LIMS2: variants seen among roughly 807,000 people sequenced by gnomAD.
LIMS2 encodes LIM zinc finger domain containing 2, also known as LIM and senescent cell antigen-like-containing domain protein 2.
LIMS2 carries 30 observed loss-of-function variants against 45.3 expected under a neutral mutation model. The observed-to-expected ratio is 0.66, with a 90% CI of 0.50 to 0.90. The LOEUF (loss-of-function observed/expected upper bound fraction) is 0.90, where lower values mean the gene tolerates loss of function less well. LIMS2 is among the 40% of genes least tolerant of loss of function. LIMS2 has a pLI of 0.00. For synonymous variants in LIMS2, 173 were observed against 188.0 expected (o/e 0.92, Z 0.65); for missense variants, 485 against 468.7 (o/e 1.03, Z -0.32).
intron 9 of LIMS2, 144 bp downstream of exon 9, chr2:127,639,926 C>T: frequency 1.2e-6 from 1 of 825,456 alleles, no homozygotes; most frequent in Non-Finnish European, 2.0e-6. Flanking sequence ...CCCCATCTCC[C>T]TGGGTGGTAT....
exon 1 of LIMS2, chr2:127,681,676 CAG>C (rs1470844894): frequency 2.0e-5 from 3 of 152,200 alleles, no homozygotes; most frequent in Non-Finnish European, 4.4e-5. Flanking sequence ...CCTCTGAATC[CAG>C]AGAGGCCGGC....
chr2:127,654,315 A>G, intron 4 of LIMS2, 109 bp downstream of exon 4: 2 of 1,470,736 alleles, frequency 1.4e-6, no homozygotes, highest in South Asian at 1.2e-5. Flanking sequence ...AGGCTGCAGC[A>G]CCGGGACCCT....
chr2:127,668,697 A>AAAAAAAAAAAAAAAAAAAAAC (rs1685142162), intron 1 of LIMS2, among the ~76,000 whole-genome samples: 1 of 85,762 alleles, frequency 1.2e-5, no homozygotes, highest in Non-Finnish European at 2.6e-5. Context: ...AAAAAAAAAA[A>AAAAAAAAAAAAAAAAAAAAAC]AAAAAAAAAA....
chr2:127,643,195 G>C, intron 4 of LIMS2, 123 bp from the exon 5 acceptor site: 1 of 1,104,800 alleles, frequency 9.1e-7, no homozygotes, highest in Non-Finnish European at 1.3e-6. Flanking sequence ...AAGGGGCTCA[G>C]CCCAGGGTAT....
intron 4 of LIMS2, chr2:127,648,191 G>C (rs1444196660): frequency 8.1e-6 from 8 of 985,304 alleles, no homozygotes; most frequent in Middle Eastern, 5.2e-4. Context: ...ATTGGACTAA[G>C]AACAGACCCT....
At chr2:127,673,193 C>T (rs1685348030) in intron 1 of LIMS2, among the ~76,000 whole-genome samples, 2 of 152,162 alleles carry the variant, frequency 1.3e-5, no homozygotes, top group African/African-American at 2.4e-5. Context: ...CTCACAGCTG[C>T]GTCAAACAAA....
At chr2:127,644,153 G>A (rs1455462798) in intron 4 of LIMS2, 1 of 455,150 alleles carries the variant, frequency 2.2e-6, no homozygotes, top group South Asian at 1.6e-5. Context: ...GCTGTGTGCA[G>A]GGCAAGGGGC....
rs1295365770 is a variant in LIMS2 at position 127,647,432 on chromosome 2, C to G, written c.360-4360G>C. Among the ~76,000 whole-genome samples the G allele has an allele frequency of 6.6e-6, 1 of 152,194 alleles. No homozygotes were observed. Among genetic ancestry groups the G allele is most frequent in the Non-Finnish European group, 1.5e-5 (1 of 68,034 alleles). On this transcript the variant is annotated intron_variant, in intron 4 of 9. Coordinates refer to ENST00000355119, the MANE Select transcript of LIMS2 (RefSeq NM_001161403.3). This position sits in a 1 kb window ranked among gnomAD's most constrained non-coding sequence, Gnocchi z 4.3. ...AGACACTCAGCCTTGACTCCCTAAC[C>G]TGCAACATGGGGCTAAAACTGGTTT...
chr2:127,641,638 G>A (rs990999682), intron 6 of LIMS2: 3 of 163,758 alleles, frequency 1.8e-5, no homozygotes, highest in Non-Finnish European at 4.0e-5. Context: ...ACCACCCGGT[G>A]GGGGCACTCC....
intron 1 of LIMS2, among the ~76,000 whole-genome samples, chr2:127,660,869 A>G (rs906146577): frequency 2.4e-5 from 3 of 125,442 alleles, no homozygotes; most frequent in African/African-American, 6.2e-5. Context: ...GAATGCATCC[A>G]GGGAGATCAT....
intron 1 of LIMS2, among the ~76,000 whole-genome samples, chr2:127,681,147 C>G (rs1039323386): frequency 1.3e-5 from 2 of 152,214 alleles, no homozygotes; most frequent in African/African-American, 4.8e-5. Flanking sequence ...TGGGCTGAAC[C>G]TTCACCGTCC....
rs1274309210 is a variant in LIMS2, at chr2:127,664,277, C to T, written c.12-6715G>A. The T allele has an allele frequency of 2.4e-6, 3 of 1,232,342 alleles. No homozygotes were observed. The highest frequency in any genetic ancestry group is 4.2e-5 in the Admixed American group (1 of 23,608). The allele number at this position is 1,232,342 out of a possible 1,614,324, so 76.3% of individuals were successfully genotyped here. ...GCCGCAGCTTTCCGGCCATTGTCCC[C>T]GCCACCCGCCCCGCCCCTGGCCACC... On this transcript the variant is annotated intron_variant, in intron 1 of 9. Transcript: ENST00000355119. This position sits in a 1 kb window ranked among gnomAD's most constrained non-coding sequence, Gnocchi z 5.5.
chr2:127,649,052 G>A (rs1401439853), intron 4 of LIMS2, among the ~76,000 whole-genome samples: 1 of 110,656 alleles, frequency 9.0e-6, no homozygotes, highest in African/African-American at 3.3e-5. Flanking sequence ...AAAGAGAAAA[G>A]AAGAAAGGAA....
At chr2:127,670,289 C>A (rs1034073946) in intron 1 of LIMS2, among the ~76,000 whole-genome samples, 3 of 152,076 alleles carry the variant, frequency 2.0e-5, no homozygotes, top group African/African-American at 7.2e-5. Context: ...ATTATTCACC[C>A]AGAAAAAGGA....
At position 127,657,415 on chromosome 2, in the gene LIMS2, C is replaced by G. The variant is rs756158958; in HGVS notation, c.159G>C (p.Gly53=). 5 of 1,613,832 alleles carry G rather than the reference C, an allele frequency of 3.1e-6. No homozygotes were observed. Among genetic ancestry groups the G allele is most frequent in the Admixed American group, 1.7e-5 (1 of 60,026 alleles). Residue 53 remains glycine, a synonymous_variant, in exon 2 of 10, where the codon GGG becomes GGC. Transcript: ENST00000355119. ...GTAGTGTCCTCACCTCATAGAAGAG[C>G]CCCTCGGGGAAGGGCCGGAAGCACT... The part of the protein sequence containing the change: ...CAQCFRPFPE[G]LFYEFEGRKY...
At chr2:127,680,572 G>C (rs565396043) in intron 1 of LIMS2, among the ~76,000 whole-genome samples, 1 of 152,238 alleles carries the variant, frequency 6.6e-6, no homozygotes, top group Non-Finnish European at 1.5e-5. Flanking sequence ...CCACACGGCA[G>C]CTCAGTGAGA....
Position 127,657,491 on chromosome 2 carries a change from A to G in LIMS2, c.83T>C (p.Ile28Thr). ...GTACAGCTCCCCATTGCTGTTGACA[A>G]TGCGCTCGGCGGGGGAGAAGCGGGC... ...CQARFSPAERIVNSNGELYHE... is the reference protein window; with the variant it reads ...CQARFSPAERTVNSNGELYHE... The change falls in exon 2 of 10, where the codon ATT becomes ACT. Residue 28 changes from isoleucine to threonine, a missense_variant. Ile to Thr is a moderately conservative substitution (Grantham distance 89). Coordinates refer to ENST00000355119, the MANE Select transcript of LIMS2 (RefSeq NM_001161403.3). The G allele has an allele frequency of 6.2e-7, 1 of 1,613,612 alleles. No individual in the cohort carries two copies. Among genetic ancestry groups the G allele is most frequent in the Non-Finnish European group, 8.5e-7 (1 of 1,179,946 alleles).
chr2:127,650,995 G>A (rs372634768), intron 4 of LIMS2: 62 of 1,613,734 alleles, frequency 3.8e-5, no homozygotes, highest in African/African-American at 8.0e-5. Context: ...CTGCCCACCC[G>A]CCTGGTCTAC....
intron 4 of LIMS2, among the ~76,000 whole-genome samples, chr2:127,644,734 C>G (rs1682782965): frequency 6.6e-6 from 1 of 152,240 alleles, no homozygotes; most frequent in South Asian, 2.1e-4. Flanking sequence ...GTGATCACCC[C>G]AATAACAGAA....
Sources: allele counts gnomAD v4.1 joint callset (sites outside exome capture counted in the v4.1 genomes callset), GRCh38; gene constraint gnomAD v4.1.1; non-coding constraint Gnocchi (gnomAD v3.1); transcripts MANE v1.5; gene names NCBI Gene and HGNC (gene_info 2026-07-23, HGNC 2026-07-21).